Variants in PFKFB3 observed in about 807,000 individuals in gnomAD.
The protein encoded by PFKFB3 is 6-phosphofructo-2-kinase/fructose-2,6-biphosphatase 3.
PFKFB3 carries 33 observed loss-of-function variants against 68.0 expected under a neutral mutation model. The observed-to-expected ratio is 0.49, with a 90% CI of 0.37 to 0.65. PFKFB3 has a LOEUF of 0.65. Among genes scored for constraint, PFKFB3 ranks in the 30% least tolerant of loss-of-function variants. The probability of loss-of-function intolerance (pLI) is 0.00; values close to 1 mark genes in which losing one functional copy is unlikely to be tolerated. For missense variants in PFKFB3, 586 were observed against 712.2 expected (o/e 0.82, Z 2.02); for synonymous variants, 315 against 288.2 (o/e 1.09, Z -0.94).
chr10:6,226,838 C>A (rs1037941097), intron 14 of PFKFB3, among the ~76,000 whole-genome samples: 3 of 152,192 alleles, frequency 2.0e-5, no homozygotes, highest in Non-Finnish European at 2.9e-5. Flanking sequence ...GTAATCCCAG[C>A]GCTTTGGGAG....
rs531733150 is a variant in PFKFB3, at chr10:6,160,706, A to G, written c.16+15693A>G. Among the ~76,000 whole-genome samples, 648 of 134,564 alleles carry G rather than the reference A, an allele frequency of 4.8e-3. 4 individuals are homozygous for G. Among genetic ancestry groups the G allele is most frequent in the Non-Finnish European group, 7.3e-3 (459 of 62,582 alleles). 88.3% of individuals were successfully genotyped at this position (134,564 alleles called of 152,430 possible). On this transcript the variant is annotated intron_variant, in intron 1 of 14. Transcript: ENST00000379789. ...GCATTCCAGCCTGGGCGACAAGAGC[A>G]AGACTCTGTCTCAAAAAAAAAAAAA...
chr10:6,263,696 T>C, the PFKFB3 span, among the ~76,000 whole-genome samples: 1 of 148,672 alleles, frequency 6.7e-6, no homozygotes, highest in South Asian at 2.2e-4. Flanking sequence ...GTTATTTTCT[T>C]CTGTTTTTGA....
chr10:6,274,234 G>A, the PFKFB3 span, among the ~76,000 whole-genome samples: 1 of 151,874 alleles, frequency 6.6e-6, no homozygotes, highest in African/African-American at 2.4e-5. Flanking sequence ...TGTTGTGTAA[G>A]TCCCTCCATC....
the PFKFB3 span, among the ~76,000 whole-genome samples, chr10:6,290,129 A>T: frequency 6.6e-6 from 1 of 152,172 alleles, no homozygotes; most frequent in African/African-American, 2.4e-5. Flanking sequence ...GTTTCTAGAT[A>T]TACAATCATG....
intron 1 of PFKFB3, among the ~76,000 whole-genome samples, chr10:6,185,243 A>G (rs1842837356): frequency 6.6e-6 from 1 of 152,108 alleles, no homozygotes; most frequent in South Asian, 2.1e-4. Context: ...CTGGGGGTGG[A>G]TTACAGAAAG....
At chr10:6,272,459 C>T in the PFKFB3 span, among the ~76,000 whole-genome samples, 1 of 152,116 alleles carries the variant, frequency 6.6e-6, no homozygotes, top group East Asian at 1.9e-4. Context: ...TTTGGGAGGC[C>T]GAGGCGGGCG....
At chr10:6,156,467 G>A (rs910448562) in intron 1 of PFKFB3, among the ~76,000 whole-genome samples, 2 of 148,326 alleles carry the variant, frequency 1.3e-5, no homozygotes, top group African/African-American at 2.5e-5. Context: ...CCAAAGAAGA[G>A]CAAATTCACT....
At chr10:6,167,244 T>G (rs1043588105) in intron 1 of PFKFB3, among the ~76,000 whole-genome samples, 6 of 152,182 alleles carry the variant, frequency 3.9e-5, no homozygotes, top group Non-Finnish European at 8.8e-5. Flanking sequence ...TTTACCTGAG[T>G]ACGTTTCAGC....
chr10:6,293,283 T>A, the PFKFB3 span: 1 of 403,328 alleles, frequency 2.5e-6, no homozygotes, highest in Non-Finnish European at 4.9e-6. Context: ...TCACAGATGT[T>A]GTGTTCTGTG....
Position 6,228,232 on chromosome 10 carries a change from C to T in PFKFB3, c.1515+1867C>T, listed in dbSNP as rs556012923. On this transcript the variant is annotated intron_variant, in intron 14 of 14. Transcript: ENST00000379775. The surrounding 1 kb of genome is among the most constrained non-coding windows in gnomAD (Gnocchi z 4.5). ...GCAAGCCTGTCTGTAAGTATCTCTC[C>T]GATCATCGCTGCTGCTTGCACTGCT... 1.0e-4 allele frequency: 162 copies of T among 1,612,524 alleles called. 1 individual carries two copies. Among genetic ancestry groups the T allele is most frequent in the South Asian group, 4.6e-4 (42 of 91,078 alleles).
At position 6,235,463 on chromosome 10, in the gene PFKFB3, CAG is replaced by C. The variant is rs947720766; in HGVS notation, c.*2522_*2523del. On this transcript the variant is annotated 3_prime_UTR_variant, in exon 15 of 15. Transcript: ENST00000379775. Reference sequence around the variant, plus strand: ...ATATAAAGCTATGCTAGCTTTCAAACAGGAGATGCCTTTCAGAAATTTGTATA... The same window carrying C: ...ATATAAAGCTATGCTAGCTTTCAAACGAGATGCCTTTCAGAAATTTGTATA... 1 of 152,264 alleles carries C rather than the reference CAG, an allele frequency of 6.6e-6. No individual in the cohort carries two copies. The highest frequency in any genetic ancestry group is 2.4e-5 in the African/African-American group (1 of 41,426). 9.4% of individuals were successfully genotyped at this position (152,264 alleles called of 1,614,324 possible).
At chr10:6,198,841 A>G (rs995047651), upstream of PFKFB3, among the ~76,000 whole-genome samples, 4 of 152,182 alleles carry the variant, frequency 2.6e-5, no homozygotes, top group Non-Finnish European at 5.9e-5. Context: ...ATCATATTCC[A>G]TTGTTTGGAT....
chr10:6,186,161 A>G (rs1428028868), intron 1 of PFKFB3, among the ~76,000 whole-genome samples: 3 of 152,206 alleles, frequency 2.0e-5, no homozygotes, highest in Non-Finnish European at 4.4e-5. Context: ...TTTAATATTA[A>G]TATTCTAATT....
At chr10:6,170,860 T>G (rs1310451868) in intron 1 of PFKFB3, among the ~76,000 whole-genome samples, 3 of 151,058 alleles carry the variant, frequency 2.0e-5, no homozygotes, top group African/African-American at 7.3e-5. Flanking sequence ...CCAAAGAGAT[T>G]AAAGGTTAAA....
At chr10:6,237,845 C>T (rs1281467195), downstream of PFKFB3, among the ~76,000 whole-genome samples, 3 of 152,038 alleles carry the variant, frequency 2.0e-5, no homozygotes, top group African/African-American at 4.8e-5. Context: ...GGATTACAGA[C>T]GTGTGCCACC....
intron 1 of PFKFB3, among the ~76,000 whole-genome samples, chr10:6,177,497 TTC>T (rs1407683248): frequency 6.7e-6 from 1 of 149,784 alleles, no homozygotes; most frequent in Non-Finnish European, 1.5e-5. Context: ...TTTCTTTTCT[TTC>T]TCTCTCTCGC....
downstream of PFKFB3, among the ~76,000 whole-genome samples, chr10:6,240,271 G>T (rs953221624): frequency 1.4e-5 from 2 of 141,836 alleles, no homozygotes; most frequent in Non-Finnish European, 3.1e-5. Context: ...ATGTAAGTAG[G>T]TATGTATTTT....
intron 14 of PFKFB3, chr10:6,231,197 T>C: frequency 8.7e-7 from 1 of 1,154,364 alleles, no homozygotes; most frequent in South Asian, 1.2e-5. Context: ...AAAATCCTAC[T>C]AAAGATTTTC....
intron 14 of PFKFB3, among the ~76,000 whole-genome samples, chr10:6,251,919 G>A (rs1015837267): frequency 6.6e-6 from 1 of 152,188 alleles, no homozygotes; most frequent in African/African-American, 2.4e-5. Flanking sequence ...AGTGAGCCAA[G>A]ATTGTGCCAC....
Sources: allele counts gnomAD v4.1 joint callset (sites outside exome capture counted in the v4.1 genomes callset), GRCh38; gene constraint gnomAD v4.1.1; non-coding constraint Gnocchi (gnomAD v3.1); transcripts MANE v1.5; gene names NCBI Gene and HGNC (gene_info 2026-07-23, HGNC 2026-07-21).